RIC1: variants seen among roughly 807,000 people sequenced by gnomAD.
RIC1 encodes the protein guanine nucleotide exchange factor subunit RIC1.
A neutral mutation model predicts 169.0 loss-of-function variants in RIC1; 88 were observed. That is an observed-to-expected ratio of 0.52 (90% CI 0.44 to 0.62). The LOEUF is 0.62. RIC1 is among the 20% of genes least tolerant of loss of function. RIC1 has a pLI of 0.00. For missense variants in RIC1, 1,877 were observed against 1,725.5 expected (o/e 1.09, Z -1.56); for synonymous variants, 790 against 601.5 (o/e 1.31, Z -4.59).
rs1292770261 is a variant in RIC1, at chr9:5,720,724, C to A, written c.694C>A (p.Pro232Thr). The change falls in exon 6 of 26, where the codon CCA (proline) becomes ACA (threonine). Residue 232 changes from proline to threonine, a missense_variant. Physicochemically the swap from Pro to Thr is conservative, Grantham distance 38. Around this residue, in one of 3 missense-constraint regions of RIC1, gnomAD observed 1,104 missense variants for 992.0 expected, o/e 1.11. Transcript: ENST00000414202. ...TGATGGTAAAGTTGGATTTATTACA[C>A]CAGTGTCAAGTAGATTTACTGCAGA... is the stretch of plus-strand genomic sequence containing the variant. ...FNDGKVGFIT[P>T]VSSRFTAEQL... is the part of the protein sequence containing the mutation. 1.9e-6 allele frequency: 3 copies of A among 1,609,946 alleles called. No homozygotes were observed. In the South Asian group the frequency reaches 3.3e-5, roughly 18 times the overall value.
intron 2 of RIC1, among the ~76,000 whole-genome samples, chr9:5,676,160 G>C (rs189994641): frequency 7.2e-5 from 11 of 152,040 alleles, no homozygotes; most frequent in Non-Finnish European, 1.3e-4. Context: ...TAAGTGATAC[G>C]CCCACCTCAG....
chr9:5,689,921 T>TA (rs751826838), intron 2 of RIC1, 38 bp from the exon 3 acceptor site: 3 of 1,356,830 alleles, frequency 2.2e-6, no homozygotes, highest in East Asian at 4.7e-5. Context: ...GTTATAGCCT[T>TA]ACTCTTTAAT....
intron 3 of RIC1, among the ~76,000 whole-genome samples, chr9:5,707,592 C>G (rs1400893342): frequency 6.6e-6 from 1 of 152,030 alleles, no homozygotes; most frequent in South Asian, 2.1e-4. Context: ...TATCTTCTTG[C>G]TAGATTGACT....
At chr9:5,662,626 T>C (rs1258029436) in intron 2 of RIC1, among the ~76,000 whole-genome samples, 2 of 152,142 alleles carry the variant, frequency 1.3e-5, no homozygotes, top group East Asian at 3.8e-4. Context: ...TAATGTGCAT[T>C]GATGCATTTA....
rs144476366 is a variant in RIC1 at position 5,749,752 on chromosome 9, G to A, written c.1452+2247G>A. ...TCAGAAGCAGGATTGGTAACTGGCA[G>A]TAAAGGCGGTGCTTTTTTTTTTTTT... On this transcript the variant is annotated intron_variant, in intron 12 of 25. Transcript: ENST00000414202. Among the ~76,000 whole-genome samples the A allele has an allele frequency of 2.7e-3, 366 of 137,876 alleles. 3 individuals are homozygous for A. Among genetic ancestry groups the A allele is most frequent in the African/African-American group, 9.1e-3 (339 of 37,428 alleles). 90.5% of individuals were successfully genotyped at this position (137,876 alleles called of 152,430 possible).
chr9:5,728,747 A>G (rs1489643113), intron 6 of RIC1, among the ~76,000 whole-genome samples: 2 of 152,086 alleles, frequency 1.3e-5, no homozygotes, highest in East Asian at 1.9e-4. Flanking sequence ...TGCTTACTAT[A>G]ATCTTTAACA....
At chr9:5,722,348 A>AGAGAGAGAGTGTGTGTGTGT (rs374028302) in intron 6 of RIC1, among the ~76,000 whole-genome samples, 7 of 131,334 alleles carry the variant, frequency 5.3e-5, no homozygotes, top group East Asian at 2.3e-4. Context: ...AGAGAGAGAG[A>AGAGAGAGAGTGTGTGTGTGT]GTGTGTGTGT....
chr9:5,695,611 C>T (rs914627493), intron 3 of RIC1, among the ~76,000 whole-genome samples: 6 of 141,648 alleles, frequency 4.2e-5, no homozygotes, highest in Non-Finnish European at 6.0e-5. Flanking sequence ...CTCGCTCTGT[C>T]GCCTGTGCTG....
intron 2 of RIC1, among the ~76,000 whole-genome samples, chr9:5,658,703 A>G (rs1439086358): frequency 6.6e-6 from 1 of 152,120 alleles, no homozygotes; most frequent in Admixed American, 6.5e-5. Flanking sequence ...AAAATATAAG[A>G]CTTTTAAAAC....
At chr9:5,637,480 A>G (rs1818026129) in intron 1 of RIC1, among the ~76,000 whole-genome samples, 2 of 152,232 alleles carry the variant, frequency 1.3e-5, no homozygotes, top group Admixed American at 1.3e-4. Flanking sequence ...ATATGTACTC[A>G]TAGTTATTTT....
chr9:5,715,580 C>A (rs913243657), intron 4 of RIC1, among the ~76,000 whole-genome samples: 1 of 152,048 alleles, frequency 6.6e-6, no homozygotes, highest in Non-Finnish European at 1.5e-5. Flanking sequence ...TTTTTATAAC[C>A]AATTATTTTC....
intron 14 of RIC1, among the ~76,000 whole-genome samples, chr9:5,754,473 A>C (rs1282573573): frequency 1.3e-5 from 2 of 152,202 alleles, no homozygotes; most frequent in Non-Finnish European, 1.5e-5. Context: ...TCACGCCTGT[A>C]ATCCCAGCAC....
At chr9:5,718,050 G>A (rs1189859982) in intron 4 of RIC1, among the ~76,000 whole-genome samples, 1 of 132,816 alleles carries the variant, frequency 7.5e-6, no homozygotes, top group Non-Finnish European at 1.5e-5. Flanking sequence ...TGAGGCAGGA[G>A]AATCACTTGA....
chr9:5,646,883 A>T (rs1161217240), intron 1 of RIC1, among the ~76,000 whole-genome samples: 1 of 152,128 alleles, frequency 6.6e-6, no homozygotes, highest in African/African-American at 2.4e-5. Flanking sequence ...AATTGTTTTC[A>T]AATCCAAAGT....
intron 1 of RIC1, among the ~76,000 whole-genome samples, chr9:5,655,744 C>T (rs1466349221): frequency 6.6e-6 from 1 of 152,042 alleles, no homozygotes; most frequent in East Asian, 1.9e-4. Context: ...GCTTGTATTT[C>T]TGGGGTATAT....
At chr9:5,772,242 GTTTA>G (rs1244852062) in intron 23 of RIC1, among the ~76,000 whole-genome samples, 1 of 152,096 alleles carries the variant, frequency 6.6e-6, no homozygotes, top group Non-Finnish European at 1.5e-5. Flanking sequence ...CCATGGTTTA[GTTTA>G]ACAGTTTCCT....
At chr9:5,777,415 A>C (rs1563735416), downstream of RIC1, among the ~76,000 whole-genome samples, 4 of 151,738 alleles carry the variant, frequency 2.6e-5, no homozygotes, top group Admixed American at 2.0e-4. Flanking sequence ...AAAAAAAAAA[A>C]CAAATTGAGT....
At chr9:5,663,511 A>C (rs960251676) in intron 2 of RIC1, among the ~76,000 whole-genome samples, 1 of 152,172 alleles carries the variant, frequency 6.6e-6, no homozygotes, top group Non-Finnish European at 1.5e-5. Context: ...GTGTTCCTAT[A>C]CTGTGTGTGC....
At chr9:5,698,479 G>A (rs908665315) in intron 3 of RIC1, among the ~76,000 whole-genome samples, 1 of 152,152 alleles carries the variant, frequency 6.6e-6, no homozygotes, top group African/African-American at 2.4e-5. Context: ...AGAAAACTGG[G>A]AGGCTTTACT....
Sources: allele counts gnomAD v4.1 joint callset (sites outside exome capture counted in the v4.1 genomes callset), GRCh38; gene constraint gnomAD v4.1.1; regional missense constraint gnomAD v4.1.1; transcripts MANE v1.5; gene names NCBI Gene and HGNC (gene_info 2026-07-23, HGNC 2026-07-21).